The following PRKD1 variants were observed in gnomAD, a reference collection of about 807,000 sequenced individuals.
PRKD1 encodes the protein protein kinase D1, also known as serine/threonine-protein kinase D1.
PRKD1 carries 63 observed loss-of-function variants against 95.9 expected under a neutral mutation model. That is an observed-to-expected ratio of 0.66 (90% CI 0.54 to 0.81). The LOEUF (loss-of-function observed/expected upper bound fraction) is 0.81, where lower values mean the gene tolerates loss of function less well. Among genes scored for constraint, PRKD1 ranks in the 30% least tolerant of loss-of-function variants. The pLI is 0.00. For missense variants in PRKD1, 1,048 were observed against 1,165.3 expected, an observed-to-expected ratio of 0.90 and a Z score of 1.47; for synonymous variants, 425 against 423.1, an observed-to-expected ratio of 1.00 and a Z score of -0.05.
At chr14:29,735,535 GA>G (rs1886671784) in intron 1 of PRKD1, among the ~76,000 whole-genome samples, 1 of 152,130 alleles carries the variant, frequency 6.6e-6, no homozygotes, top group Non-Finnish European at 1.5e-5. Flanking sequence ...AGAGAAAGAT[GA>G]AACAGCAAAC....
At chr14:29,794,278 A>G (rs1179295171) in intron 1 of PRKD1, among the ~76,000 whole-genome samples, 1 of 151,134 alleles carries the variant, frequency 6.6e-6, no homozygotes, top group African/African-American at 2.4e-5. Context: ...TATTCTTTTT[A>G]AAGTATAAAA....
chr14:29,835,502 G>C (rs1891578308), intron 1 of PRKD1, among the ~76,000 whole-genome samples: 1 of 152,144 alleles, frequency 6.6e-6, no homozygotes, highest in Non-Finnish European at 1.5e-5. Context: ...AGTTTCCACT[G>C]ACCAGCCTCG....
intron 2 of PRKD1, among the ~76,000 whole-genome samples, chr14:29,691,377 G>C (rs1246614551): frequency 6.6e-6 from 1 of 152,170 alleles, no homozygotes; most frequent in Non-Finnish European, 1.5e-5. Flanking sequence ...ATGTCTGGGG[G>C]TGGGGAAGTA....
chr14:29,801,675 T>A (rs905544309), intron 1 of PRKD1, among the ~76,000 whole-genome samples: 1 of 152,050 alleles, frequency 6.6e-6, no homozygotes. Context: ...TGGCAGTAAC[T>A]ATGCTATTAG....
intron 1 of PRKD1, among the ~76,000 whole-genome samples, chr14:29,820,417 T>C (rs1473728112): frequency 6.6e-6 from 1 of 152,216 alleles, no homozygotes; most frequent in East Asian, 1.9e-4. Flanking sequence ...TGAGAAGGCT[T>C]CAGTGAATAG....
chr14:29,853,310 C>T (rs1892377546), intron 1 of PRKD1, among the ~76,000 whole-genome samples: 1 of 152,188 alleles, frequency 6.6e-6, no homozygotes, highest in Non-Finnish European at 1.5e-5. Context: ...TCTGTGCACC[C>T]TATTTTATTT....
intron 4 of PRKD1, among the ~76,000 whole-genome samples, chr14:29,658,678 G>T (rs777288910): frequency 6.6e-6 from 1 of 151,982 alleles, no homozygotes; most frequent in Admixed American, 6.5e-5. Flanking sequence ...GTTTTTGTTT[G>T]GTTTTTCCCT....
chr14:29,740,175 TGGA>T (rs1278186425), intron 1 of PRKD1, among the ~76,000 whole-genome samples: 3 of 152,136 alleles, frequency 2.0e-5, no homozygotes, highest in Non-Finnish European at 4.4e-5. Context: ...ATGTGCAGCT[TGGA>T]AATGAAAAAA....
intron 13 of PRKD1, among the ~76,000 whole-genome samples, chr14:29,606,529 C>T (rs1267668337): frequency 6.6e-6 from 1 of 152,102 alleles, no homozygotes; most frequent in African/African-American, 2.4e-5. Flanking sequence ...TTCCTATGCT[C>T]TAGGAGACTT....
At chr14:29,771,930 A>G (rs1888525961) in intron 1 of PRKD1, among the ~76,000 whole-genome samples, 1 of 152,194 alleles carries the variant, frequency 6.6e-6, no homozygotes. Flanking sequence ...CTCCCTTTTG[A>G]AAGAGGAATA....
At chr14:29,682,283 G>C (rs1594423892) in intron 2 of PRKD1, among the ~76,000 whole-genome samples, 1 of 152,176 alleles carries the variant, frequency 6.6e-6, no homozygotes, top group East Asian at 1.9e-4. Flanking sequence ...AGTTACAGTG[G>C]GTATACTGAA....
intron 1 of PRKD1, among the ~76,000 whole-genome samples, chr14:29,784,804 C>A (rs1889195191): frequency 6.6e-6 from 1 of 152,164 alleles, no homozygotes; most frequent in Non-Finnish European, 1.5e-5. Flanking sequence ...TAGGCGTTAT[C>A]AAACAAATTA....
intron 13 of PRKD1, 60 bp downstream of exon 13, chr14:29,624,092 G>C (rs1482121203): frequency 8.3e-7 from 1 of 1,210,358 alleles, no homozygotes; most frequent in East Asian, 2.5e-5. Context: ...TATTTGCTTT[G>C]CAGAAGTAAA....
At chr14:29,658,207 A>G (rs964393318) in intron 4 of PRKD1, among the ~76,000 whole-genome samples, 2 of 152,112 alleles carry the variant, frequency 1.3e-5, no homozygotes, top group African/African-American at 4.8e-5. Context: ...TCACAATTCA[A>G]CTTCAGCTGC....
intron 13 of PRKD1, among the ~76,000 whole-genome samples, chr14:29,622,411 A>ATT (rs34017060): frequency 9.0e-6 from 1 of 110,934 alleles, no homozygotes; most frequent in Admixed American, 8.9e-5. Flanking sequence ...TGTTTTTATT[A>ATT]TTTTTTTTTT....
Position 29,599,799 on chromosome 14 carries a change from C to T in PRKD1, c.1924G>A (p.Val642Ile), listed in dbSNP as rs1380020016. ...AILQNLHHPG[V>I]VNLECMFETP... ...TCAAACATACACTCCAAATTTACAA[C>T]ACCAGGGTGATGAAGGTTCTATTAA... Residue 642 changes from valine (V) to isoleucine (I), a missense_variant, in exon 14 of 18, where the codon GTT becomes ATT. Val to Ile is a conservative substitution (Grantham distance 29, BLOSUM62 3). Around this residue, in one of 3 missense-constraint regions of PRKD1, gnomAD observed 739 missense variants for 861.9 expected, o/e 0.86. Transcript: ENST00000331968. 1 of 1,610,420 alleles carries T rather than the reference C, an allele frequency of 6.2e-7. No homozygotes were observed. The highest frequency in any genetic ancestry group is 1.7e-5 in the Admixed American group (1 of 59,388).
intron 2 of PRKD1, among the ~76,000 whole-genome samples, chr14:29,676,183 GTTT>G (rs34953735): frequency 1.5e-5 from 1 of 67,450 alleles, no homozygotes. Context: ...TTACGTTTTT[GTTT>G]TTTTTTTTTT....
chr14:29,578,195 G>T, intron 17 of PRKD1, 80 bp downstream of exon 17: 1 of 1,121,672 alleles, frequency 8.9e-7, no homozygotes, highest in Non-Finnish European at 1.3e-6. Context: ...AAAAATTATT[G>T]CAAAAGATTT....
At chr14:29,638,218 A>C in intron 6 of PRKD1, 1 of 455,502 alleles carries the variant, frequency 2.2e-6, no homozygotes, top group Non-Finnish European at 3.9e-6. Flanking sequence ...TAAGAATATA[A>C]GATAATAAAA....
Sources: allele counts gnomAD v4.1 joint callset (sites outside exome capture counted in the v4.1 genomes callset), GRCh38; gene constraint gnomAD v4.1.1; regional missense constraint gnomAD v4.1.1; transcripts MANE v1.5; gene names NCBI Gene and HGNC (gene_info 2026-07-23, HGNC 2026-07-21).